The following DGKH variants were observed in gnomAD, a reference collection of about 807,000 sequenced individuals.
The protein encoded by DGKH is DAG kinase eta.
In DGKH, 90 loss-of-function variants were observed where a neutral mutation model predicts 159.3. The observed-to-expected ratio is 0.57, with a 90% CI of 0.48 to 0.67. The LOEUF is 0.67. DGKH is among the 30% of genes least tolerant of loss of function. DGKH has a pLI of 0.00. For synonymous variants in DGKH, 536 were observed against 553.8 expected, an observed-to-expected ratio of 0.97 and a Z score of 0.45; for missense variants, 1,181 against 1,506.1, an observed-to-expected ratio of 0.78 and a Z score of 3.57.
At position 42,065,910 on chromosome 13, in the gene DGKH, T is replaced by C. The variant is rs149677524; in HGVS notation, c.192+16945T>C. ...ATATAAAACATTAAAATTATTATTA[T>C]TTTTTGAGACAGAGTCTCCTTCTGT... is the stretch of plus-strand genomic sequence containing the variant. On this transcript the variant is annotated intron_variant, in intron 1 of 29. Transcript: ENST00000337343. Among the ~76,000 whole-genome samples the C allele has an allele frequency of 3.3e-3, 495 of 152,284 alleles. 2 individuals are homozygous for C. Among genetic ancestry groups the C allele is most frequent in the Middle Eastern group, 6.8e-3 (2 of 294 alleles).
At chr13:42,127,891 C>T (rs1955203488) in intron 2 of DGKH, among the ~76,000 whole-genome samples, 1 of 151,952 alleles carries the variant, frequency 6.6e-6, no homozygotes, top group Admixed American at 6.6e-5. Flanking sequence ...TCTGGGTTTC[C>T]ACCTTTTACC....
intron 1 of DGKH, among the ~76,000 whole-genome samples, chr13:42,042,201 A>G (rs1262786364): frequency 2.0e-5 from 3 of 152,210 alleles, no homozygotes; most frequent in Non-Finnish European, 4.4e-5. Flanking sequence ...TAAAAATACA[A>G]TCCAGTTTTG....
At chr13:42,246,088 A>G (rs1215419245), downstream of DGKH, among the ~76,000 whole-genome samples, 4 of 152,194 alleles carry the variant, frequency 2.6e-5, no homozygotes, top group Non-Finnish European at 5.9e-5. Context: ...GATTTTTCTG[A>G]TGTGGAAATC....
rs1290178486 is a variant in DGKH at position 42,237,912 on chromosome 13, G to A, written c.*8724G>A. On this transcript the variant is annotated 3_prime_UTR_variant, in exon 30 of 30. Transcript: ENST00000337343. ...GCTAAGCCTTTCTTAAACTTGCCAA[G>A]TATTAGCAATGATAATTGCTAAATG... The A allele has an allele frequency of 6.6e-6, 1 of 152,184 alleles. No individual in the cohort carries two copies. The highest frequency in any genetic ancestry group is 1.5e-5 in the Non-Finnish European group (1 of 68,042). The allele number at this position is 152,184 out of a possible 1,614,324, so 9.4% of individuals were successfully genotyped here.
chr13:42,199,537 CTT>C (rs780732753), intron 18 of DGKH, 27 bp from the exon 19 acceptor site: 1 of 1,431,164 alleles, frequency 7.0e-7, no homozygotes, highest in African/African-American at 1.4e-5. Context: ...CTCAAATTGA[CTT>C]TGATGTACTT....
intron 12 of DGKH, among the ~76,000 whole-genome samples, chr13:42,177,595 A>T (rs997807773): frequency 3.9e-5 from 6 of 152,236 alleles, no homozygotes; most frequent in African/African-American, 1.4e-4. Flanking sequence ...AGAGTGTATC[A>T]GTTTGCATTC....
intron 1 of DGKH, among the ~76,000 whole-genome samples, chr13:42,061,976 A>AGTGTGTGTGTGGGTGTGTGT (rs1882206719): frequency 1.3e-5 from 1 of 78,480 alleles, no homozygotes. Context: ...AAAGATGGAG[A>AGTGTGTGTGTGGGTGTGTGT]GTGTGTGTGT....
At chr13:42,202,366 T>G (rs534915886) in intron 20 of DGKH, among the ~76,000 whole-genome samples, 1 of 152,288 alleles carries the variant, frequency 6.6e-6, no homozygotes, top group African/African-American at 2.4e-5. Flanking sequence ...GGAGGCTCTT[T>G]CCAGAGAGAC....
intron 29 of DGKH, among the ~76,000 whole-genome samples, chr13:42,251,530 T>C (rs1338466431): frequency 1.3e-5 from 2 of 152,246 alleles, no homozygotes; most frequent in South Asian, 2.1e-4. Flanking sequence ...TTCTTCCCTC[T>C]GTGTATTGAG....
At chr13:42,191,262 A>G (rs1205415371) in intron 16 of DGKH, among the ~76,000 whole-genome samples, 1 of 152,220 alleles carries the variant, frequency 6.6e-6, no homozygotes, top group Non-Finnish European at 1.5e-5. Flanking sequence ...GAAAATAAAT[A>G]CATGGCACTT....
chr13:42,053,157 G>C (rs911773414), intron 1 of DGKH, among the ~76,000 whole-genome samples: 2 of 151,798 alleles, frequency 1.3e-5, no homozygotes, highest in African/African-American at 2.4e-5. Flanking sequence ...GCAACAGTGA[G>C]ACTCCATCTC....
intron 3 of DGKH, among the ~76,000 whole-genome samples, chr13:42,148,898 A>T (rs1217610723): frequency 1.3e-5 from 2 of 150,182 alleles, no homozygotes; most frequent in African/African-American, 4.9e-5. Flanking sequence ...CGACATACAC[A>T]GGAAACCTTA....
At chr13:42,105,781 A>C (rs1263707664) in intron 1 of DGKH, among the ~76,000 whole-genome samples, 1 of 152,210 alleles carries the variant, frequency 6.6e-6, no homozygotes, top group African/African-American at 2.4e-5. Flanking sequence ...AATCCTTTCT[A>C]GATCTTAAAT....
intron 27 of DGKH, 62 bp from the exon 28 acceptor site, chr13:42,219,621 TATC>T: frequency 7.3e-7 from 1 of 1,369,124 alleles, no homozygotes; most frequent in Non-Finnish European, 9.9e-7. Context: ...TTATCCCTAT[TATC>T]AGAGTAGGTT....
intron 1 of DGKH, among the ~76,000 whole-genome samples, chr13:42,096,895 A>C (rs2137762539): frequency 6.6e-6 from 1 of 152,302 alleles, no homozygotes; most frequent in South Asian, 2.1e-4. Flanking sequence ...TCCGTGTCTG[A>C]AGATGGTTCC....
At chr13:42,075,674 G>C (rs9532989) in intron 1 of DGKH, among the ~76,000 whole-genome samples, 1 of 151,928 alleles carries the variant, frequency 6.6e-6, no homozygotes, top group Non-Finnish European at 1.5e-5. Flanking sequence ...AAAGGTGCAG[G>C]TGGGGACTCT....
At chr13:42,158,600 T>A (rs951436246) in intron 5 of DGKH, among the ~76,000 whole-genome samples, 1 of 152,172 alleles carries the variant, frequency 6.6e-6, no homozygotes, top group Non-Finnish European at 1.5e-5. Context: ...GGAGATTTAG[T>A]GAAGCCTGTA....
intron 1 of DGKH, among the ~76,000 whole-genome samples, chr13:42,100,343 G>T (rs573201021): frequency 1.3e-5 from 2 of 152,226 alleles, no homozygotes; most frequent in Admixed American, 1.3e-4. Flanking sequence ...CCCACTGATT[G>T]TACATTATGG....
chr13:42,151,578 TACACAC>T (rs60281789), intron 3 of DGKH, among the ~76,000 whole-genome samples: 10,180 of 93,522 alleles, frequency 0.11, 1,083 homozygotes, highest in African/African-American at 0.27. Flanking sequence ...CTTATATGTA[TACACAC>T]ACACACACAC....
Sources: gnomAD v4.1 joint callset for allele counts (sites outside exome capture counted in the v4.1 genomes callset) on GRCh38, gnomAD v4.1.1 for gene constraint, MANE v1.5 for transcripts, NCBI Gene and HGNC (gene_info 2026-07-23, HGNC 2026-07-21) for gene names.